GABRG3: variants seen among roughly 807,000 people sequenced by gnomAD.
GABRG3 encodes the protein gamma-aminobutyric acid receptor subunit gamma-3.
In GABRG3, 25 loss-of-function variants were observed where a neutral mutation model predicts 48.8. That is an observed-to-expected ratio of 0.51 (90% CI 0.37 to 0.72). The LOEUF (loss-of-function observed/expected upper bound fraction) is 0.72. GABRG3 is among the 30% of genes least tolerant of loss of function. GABRG3 has a pLI of 0.00. For synonymous variants in GABRG3, 227 were observed against 217.6 expected, an observed-to-expected ratio of 1.04 and a Z score of -0.38; for missense variants, 394 against 577.9, an observed-to-expected ratio of 0.68 and a Z score of 3.26.
intron 2 of GABRG3, among the ~76,000 whole-genome samples, chr15:26,978,172 C>T (rs987716883): frequency 1.8e-4 from 27 of 151,936 alleles, no homozygotes; most frequent in African/African-American, 6.5e-4. Flanking sequence ...ATGTTATTTG[C>T]CCTTTTAAAA....
chr15:27,414,720 A>C (rs897633782), intron 5 of GABRG3, among the ~76,000 whole-genome samples: 14 of 152,156 alleles, frequency 9.2e-5, no homozygotes, highest in African/African-American at 3.4e-4. Context: ...GTCATGTCCC[A>C]TGTCAGAGAC....
At chr15:27,399,964 T>C (rs1887427933) in intron 5 of GABRG3, among the ~76,000 whole-genome samples, 1 of 152,216 alleles carries the variant, frequency 6.6e-6, no homozygotes, top group African/African-American at 2.4e-5. Flanking sequence ...CTTGTAAATA[T>C]CAGTCTATGT....
At chr15:26,973,161 A>G (rs556208096) in intron 1 of GABRG3, among the ~76,000 whole-genome samples, 109 of 152,278 alleles carry the variant, frequency 7.2e-4, no homozygotes, top group African/African-American at 2.6e-3. Context: ...TGGATTCTTA[A>G]CATTCTAGAA....
chr15:27,356,037 G>A (rs1004944189), intron 5 of GABRG3, among the ~76,000 whole-genome samples: 3 of 152,266 alleles, frequency 2.0e-5, no homozygotes, highest in East Asian at 3.9e-4. Flanking sequence ...GAATTAGATT[G>A]TTACTGAAAC....
intron 3 of GABRG3, among the ~76,000 whole-genome samples, chr15:27,281,395 C>T (rs1891428361): frequency 6.6e-6 from 1 of 151,374 alleles, no homozygotes; most frequent in South Asian, 2.1e-4. Context: ...TTCATCTTTT[C>T]AGGACAATTT....
chr15:27,050,219 G>A (rs142252297), intron 3 of GABRG3, among the ~76,000 whole-genome samples: 235 of 152,300 alleles, frequency 1.5e-3, no homozygotes, highest in African/African-American at 5.0e-3. Context: ...GAGATTAGCC[G>A]TAGGGAAAAG....
At chr15:27,114,801 C>CT (rs368067085) in intron 3 of GABRG3, among the ~76,000 whole-genome samples, 158 of 145,766 alleles carry the variant, frequency 1.1e-3, no homozygotes, top group African/African-American at 2.9e-3. Flanking sequence ...AGTTATCATT[C>CT]TTTTTTTTTT....
At chr15:27,214,403 C>T (rs1595590179) in intron 3 of GABRG3, among the ~76,000 whole-genome samples, 1 of 152,184 alleles carries the variant, frequency 6.6e-6, no homozygotes, top group Non-Finnish European at 1.5e-5. Context: ...GCCCTGGTCC[C>T]TTTTCCTAAA....
At chr15:27,040,429 G>T (rs1224645047) in intron 3 of GABRG3, among the ~76,000 whole-genome samples, 1 of 152,214 alleles carries the variant, frequency 6.6e-6, no homozygotes, top group Non-Finnish European at 1.5e-5. Context: ...GTTGGATGGG[G>T]TGGGGAAATA....
intron 2 of GABRG3, among the ~76,000 whole-genome samples, chr15:27,013,721 G>A (rs1039893609): frequency 2.6e-5 from 4 of 152,008 alleles, no homozygotes; most frequent in South Asian, 2.1e-4. Flanking sequence ...TGTTCCATTG[G>A]TCTCTATATC....
At chr15:27,228,044 A>G (rs1029605059) in intron 3 of GABRG3, among the ~76,000 whole-genome samples, 1 of 152,260 alleles carries the variant, frequency 6.6e-6, no homozygotes, top group African/African-American at 2.4e-5. Flanking sequence ...AAAACATTTT[A>G]GCACCAATGA....
chr15:27,342,377 G>A (rs1199675776), intron 5 of GABRG3, among the ~76,000 whole-genome samples: 1 of 152,170 alleles, frequency 6.6e-6, no homozygotes, highest in Non-Finnish European at 1.5e-5. Flanking sequence ...CAAGTGCAGG[G>A]TTCTCTCCAC....
chr15:27,200,767 CA>C (rs1394974110), intron 3 of GABRG3, among the ~76,000 whole-genome samples: 1 of 152,134 alleles, frequency 6.6e-6, no homozygotes, highest in East Asian at 1.9e-4. Flanking sequence ...ATTTTACTCA[CA>C]AAAGCTGGCC....
At chr15:27,076,385 A>G (rs1896910824) in intron 3 of GABRG3, among the ~76,000 whole-genome samples, 1 of 139,908 alleles carries the variant, frequency 7.1e-6, no homozygotes, top group South Asian at 2.2e-4. Context: ...GTGCAATGGC[A>G]TGATCTCGGC....
At chr15:27,079,725 A>G (rs764878398) in intron 3 of GABRG3, among the ~76,000 whole-genome samples, 2 of 152,212 alleles carry the variant, frequency 1.3e-5, no homozygotes, top group Non-Finnish European at 2.9e-5. Context: ...TCACTTTGCT[A>G]TAAAGCAAGG....
Position 27,539,458 on chromosome 15 carries a change from G to A in GABRG3, c.*6577G>A, listed in dbSNP as rs1321188755. The A allele has an allele frequency of 6.6e-6, 1 of 152,206 alleles. No individual in the cohort carries two copies. The highest frequency in any genetic ancestry group is 1.5e-5 in the Non-Finnish European group (1 of 68,034). 9.4% of individuals were successfully genotyped at this position (152,206 alleles called of 1,614,324 possible). A position where few individuals can be genotyped will look rare whatever the true frequency, so the allele number is the denominator to read the frequency against. On this transcript the variant is annotated 3_prime_UTR_variant, in exon 10 of 10. Transcript: ENST00000615808. ...AGGTCTATTCGAAAGGATAGTGCTT[G>A]ACTTTCAATTTATAAAAGATTATTG...
At chr15:27,527,655 C>A in intron 8 of GABRG3, 26 bp downstream of exon 8, 1 of 1,578,340 alleles carries the variant, frequency 6.3e-7, no homozygotes, top group Non-Finnish European at 8.6e-7. Context: ...AAAGGTTCTC[C>A]GGGAGGTAAT....
rs1171255559 is a variant in GABRG3, at chr15:27,540,183, T to C, written c.*7302T>C. 1 of 152,234 alleles carries C rather than the reference T, an allele frequency of 6.6e-6. No homozygotes were observed. Among genetic ancestry groups the C allele is most frequent in the African/African-American group, 2.4e-5 (1 of 41,460 alleles). 9.4% of individuals were successfully genotyped at this position (152,234 alleles called of 1,614,324 possible). ...CCAGAACTGCTGTGTTCCCCAGCAG[T>C]CCTGCCTGCCCTGCCTCAATCAGAA... On this transcript the variant is annotated 3_prime_UTR_variant, in exon 10 of 10. Transcript: ENST00000615808.
intron 3 of GABRG3, among the ~76,000 whole-genome samples, chr15:27,240,658 T>C (rs1483522775): frequency 6.6e-6 from 1 of 152,236 alleles, no homozygotes; most frequent in Non-Finnish European, 1.5e-5. Flanking sequence ...AGCAGCTGTT[T>C]AAATGCATTA....
Sources: gnomAD v4.1 joint callset for allele counts (sites outside exome capture counted in the v4.1 genomes callset) on GRCh38, gnomAD v4.1.1 for gene constraint, MANE v1.5 for transcripts, NCBI Gene and HGNC (gene_info 2026-07-23, HGNC 2026-07-21) for gene names.